The following TAX1BP1 variants were observed in gnomAD, a reference collection of about 807,000 sequenced individuals.
The protein encoded by TAX1BP1 is Tax1 binding protein 1, also known as tax1-binding protein 1.
Under a neutral mutation model 97.7 loss-of-function variants are expected in TAX1BP1, and 62 were observed. The ratio of observed to expected loss-of-function variants is 0.63; its 90% CI spans 0.52 to 0.78. The LOEUF (loss-of-function observed/expected upper bound fraction) is 0.78, where lower values mean the gene tolerates loss of function less well. Among genes scored for constraint, TAX1BP1 ranks in the 30% least tolerant of loss-of-function variants. The probability of loss-of-function intolerance (pLI) is 0.00; values close to 1 mark genes in which losing one functional copy is unlikely to be tolerated. For synonymous variants in TAX1BP1, 340 were observed against 304.2 expected (o/e 1.12, Z -1.23); for missense variants, 867 against 916.1 (o/e 0.95, Z 0.69).
chr7:27,817,807 C>A (rs1022515155), intron 15 of TAX1BP1, among the ~76,000 whole-genome samples: 1 of 151,878 alleles, frequency 6.6e-6, no homozygotes, highest in Non-Finnish European at 1.5e-5. Context: ...AATGCTTTAT[C>A]GTGCTCTTTG....
At chr7:27,743,062 C>T (rs1787680874) in intron 1 of TAX1BP1, among the ~76,000 whole-genome samples, 1 of 152,078 alleles carries the variant, frequency 6.6e-6, no homozygotes, top group Non-Finnish European at 1.5e-5. Context: ...ATAAAAATGT[C>T]CTCTACCCTA....
At chr7:27,801,334 C>G (rs1196618647) in intron 13 of TAX1BP1, among the ~76,000 whole-genome samples, 2 of 148,978 alleles carry the variant, frequency 1.3e-5, no homozygotes, top group Non-Finnish European at 3.0e-5. Context: ...GTTAGAATTA[C>G]TTTAGTTTTC....
At chr7:27,794,157 A>G (rs1010511957) in intron 10 of TAX1BP1, among the ~76,000 whole-genome samples, 166 bp from the exon 11 acceptor site, 1 of 152,202 alleles carries the variant, frequency 6.6e-6, no homozygotes, top group African/African-American at 2.4e-5. Context: ...TAGCAAAATG[A>G]TGTGTATAAC....
chr7:27,796,178 G>T lies in TAX1BP1; in HGVS notation c.1597G>T (p.Asp533Tyr). 1.9e-6 allele frequency: 3 copies of T among 1,594,356 alleles called. No individual in the cohort carries two copies. The highest frequency in any genetic ancestry group is 1.2e-5 in the South Asian group (1 of 85,962). The change falls in exon 12 of 17, where the codon GAC (aspartate) becomes TAC (tyrosine). Residue 533 changes from aspartate to tyrosine, a missense_variant. Asp to Tyr is a radical substitution (Grantham distance 160, BLOSUM62 -3). This residue lies in a region of TAX1BP1 where 822 missense variants were observed against 851.4 expected (regional missense o/e 0.97). Coordinates refer to ENST00000396319, the MANE Select transcript of TAX1BP1 (RefSeq NM_006024.7). Reference sequence around the variant, plus strand: ...CTGTGAAATGACCAAAGAAATTGCTGACAAAACAGAAAAGTATAATAAATG... The same window carrying T: ...CTGTGAAATGACCAAAGAAATTGCTTACAAAACAGAAAAGTATAATAAATG... ...QVCEMTKEIA[D>Y]KTEKYNKCKQ...
chr7:27,766,656 T>G (rs1004005552), intron 4 of TAX1BP1, among the ~76,000 whole-genome samples: 11 of 152,122 alleles, frequency 7.2e-5, no homozygotes, highest in Non-Finnish European at 1.5e-5. Flanking sequence ...AAGCTTTCCT[T>G]ATGTTCCTTT....
intron 13 of TAX1BP1, among the ~76,000 whole-genome samples, chr7:27,806,812 T>C (rs561367851): frequency 6.6e-6 from 1 of 152,298 alleles, no homozygotes; most frequent in African/African-American, 2.4e-5. Flanking sequence ...TTTTTATTGA[T>C]ATTGCATTAA....
chr7:27,778,082 C>T (rs1048755389), intron 5 of TAX1BP1, among the ~76,000 whole-genome samples: 1 of 152,094 alleles, frequency 6.6e-6, no homozygotes, highest in Non-Finnish European at 1.5e-5. Flanking sequence ...GGTTTAAAAG[C>T]CTGTATGGTT....
intron 13 of TAX1BP1, among the ~76,000 whole-genome samples, chr7:27,804,866 T>C (rs980035363): frequency 6.6e-6 from 1 of 152,238 alleles, no homozygotes; most frequent in Admixed American, 6.5e-5. Flanking sequence ...CCTCCATCTT[T>C]TTTTAAACAG....
chr7:27,819,122 C>T (rs528535784), intron 15 of TAX1BP1, among the ~76,000 whole-genome samples: 10 of 151,852 alleles, frequency 6.6e-5, no homozygotes, highest in Non-Finnish European at 1.5e-4. Flanking sequence ...TGTAATGAAC[C>T]GATGAAAGAA....
chr7:27,813,953 C>G (rs1244364301), intron 13 of TAX1BP1, among the ~76,000 whole-genome samples: 1 of 152,068 alleles, frequency 6.6e-6, no homozygotes, highest in African/African-American at 2.4e-5. Flanking sequence ...TAAGTCCTCA[C>G]TTAACATCAT....
intron 1 of TAX1BP1, among the ~76,000 whole-genome samples, chr7:27,744,334 C>A (rs2128306103): frequency 6.6e-6 from 1 of 152,180 alleles, no homozygotes; most frequent in East Asian, 1.9e-4. Flanking sequence ...ACCGTGTTAG[C>A]CAGGATGGTC....
intron 1 of TAX1BP1, among the ~76,000 whole-genome samples, chr7:27,740,701 G>A (rs950689870): frequency 2.0e-5 from 3 of 152,226 alleles, no homozygotes. Flanking sequence ...AGTAAGCTGA[G>A]AAAACACGTA....
chr7:27,741,552 G>C (rs1022257500), intron 1 of TAX1BP1, among the ~76,000 whole-genome samples: 2 of 150,242 alleles, frequency 1.3e-5, no homozygotes, highest in African/African-American at 4.9e-5. Context: ...CCAGGCTGGA[G>C]TGCAGTGGCG....
chr7:27,783,167 G>C (rs1789331707), intron 5 of TAX1BP1, among the ~76,000 whole-genome samples: 1 of 152,124 alleles, frequency 6.6e-6, no homozygotes, highest in Non-Finnish European at 1.5e-5. Context: ...AATGTAGCAG[G>C]CTTAATTATC....
intron 12 of TAX1BP1, among the ~76,000 whole-genome samples, chr7:27,798,326 C>A (rs1178737382): frequency 6.6e-6 from 1 of 151,562 alleles, no homozygotes; most frequent in Non-Finnish European, 1.5e-5. Flanking sequence ...GGGTAAATAT[C>A]TAGGGGTGAA....
At position 27,753,996 on chromosome 7, in the gene TAX1BP1, A is replaced by G. The variant is rs540367156; in HGVS notation, c.163-4035A>G. ...TCTCTGAGATACTGTTCTAATTGGA[A>G]TTCTCACATCTCCGAGATACTTTTC... On this transcript the variant is annotated intron_variant, in intron 2 of 16. Coordinates refer to ENST00000396319, the MANE Select transcript of TAX1BP1 (RefSeq NM_006024.7). 1.1e-4 allele frequency among the ~76,000 whole-genome samples: 17 copies of G among 152,282 alleles called. No homozygotes were observed. The South Asian group carries it at 3.3e-3, about 30-fold the overall frequency.
chr7:27,811,070 C>A (rs1790540735), intron 13 of TAX1BP1, among the ~76,000 whole-genome samples: 1 of 152,098 alleles, frequency 6.6e-6, no homozygotes, highest in African/African-American at 2.4e-5. Flanking sequence ...AGACTGAATT[C>A]TTTGCAGGCA....
In TAX1BP1 at chr7:27,791,137, G is replaced by A. The variant is rs192275491; in HGVS notation, c.1039-869G>A. ...TATAGAAGTTGGCGATCTTTTTATA[G>A]GTAGATCTATTAGTGTGATGCCTCC... is the stretch of plus-strand genomic sequence containing the variant. On this transcript the variant is annotated intron_variant, in intron 8 of 16. Coordinates refer to ENST00000396319, the MANE Select transcript of TAX1BP1 (RefSeq NM_006024.7). Among the ~76,000 whole-genome samples, 7 of 151,880 alleles carry A rather than the reference G, an allele frequency of 4.6e-5. No homozygotes were observed. In the East Asian group the frequency reaches 1.4e-3, roughly 29 times the overall value.
At chr7:27,749,176 G>A (rs1169066547) in intron 2 of TAX1BP1, among the ~76,000 whole-genome samples, 1 of 152,140 alleles carries the variant, frequency 6.6e-6, no homozygotes, top group Admixed American at 6.5e-5. Context: ...TGACTGAATA[G>A]TAAACTCTTT....
Sources: allele counts gnomAD v4.1 joint callset (sites outside exome capture counted in the v4.1 genomes callset), GRCh38; gene constraint gnomAD v4.1.1; regional missense constraint gnomAD v4.1.1; transcripts MANE v1.5; gene names NCBI Gene and HGNC (gene_info 2026-07-23, HGNC 2026-07-21).